Variants in MAP4K5 observed in about 807,000 individuals in gnomAD.
MAP4K5 encodes MAPK/ERK kinase kinase kinase 5.
MAP4K5 carries 82 observed loss-of-function variants against 135.6 expected under a neutral mutation model. That is an observed-to-expected ratio of 0.60 (90% CI 0.51 to 0.73). The LOEUF (loss-of-function observed/expected upper bound fraction) is 0.73. MAP4K5 is among the 30% of genes least tolerant of loss of function. The pLI is 0.00. For missense variants in MAP4K5, 907 were observed against 1,010.9 expected (o/e 0.90, Z 1.39); for synonymous variants, 347 against 335.0 (o/e 1.04, Z -0.39).
intron 6 of MAP4K5, among the ~76,000 whole-genome samples, chr14:50,480,631 C>T (rs562860060): frequency 2.0e-5 from 3 of 152,182 alleles, no homozygotes; most frequent in Middle Eastern, 3.4e-3. Context: ...TGAAAATAAG[C>T]CTCATTTTAT....
intron 3 of MAP4K5, among the ~76,000 whole-genome samples, chr14:50,495,594 AAG>A (rs1467318531): frequency 6.6e-6 from 1 of 152,208 alleles, no homozygotes; most frequent in East Asian, 1.9e-4. Flanking sequence ...TAGGATCTCA[AAG>A]AGAGATTTGT....
intron 2 of MAP4K5, among the ~76,000 whole-genome samples, chr14:50,524,073 C>G (rs981920343): frequency 6.6e-6 from 1 of 152,198 alleles, no homozygotes; most frequent in Non-Finnish European, 1.5e-5. Context: ...CTCAATTCCT[C>G]CCAAATTCTT....
At chr14:50,501,949 G>C (rs909006913) in intron 3 of MAP4K5, among the ~76,000 whole-genome samples, 5 of 152,152 alleles carry the variant, frequency 3.3e-5, no homozygotes, top group Non-Finnish European at 5.9e-5. Flanking sequence ...CGTATATTAG[G>C]TATTCAATAA....
At chr14:50,543,306 A>C (rs1306793426) in intron 1 of MAP4K5, among the ~76,000 whole-genome samples, 1 of 152,264 alleles carries the variant, frequency 6.6e-6, no homozygotes, top group Non-Finnish European at 1.5e-5. Context: ...TTCCCTTGAC[A>C]GATAAGTCAA....
In MAP4K5 at chr14:50,555,968, G is replaced by A. The variant is rs180975683; in HGVS notation, c.-180+5072C>T. On this transcript the variant is annotated intron_variant, in intron 1 of 8. Coordinates refer to the MAP4K5 transcript ENST00000555216. ...CTTTACTTATGATGGAGGAAAATGA[G>A]CATGGTGAAAGAACCAATGGAAGAA... 2.6e-5 allele frequency among the ~76,000 whole-genome samples: 4 copies of A among 152,262 alleles called. No homozygotes were observed. The East Asian group carries it at 7.7e-4, about 29-fold the overall frequency.
intron 2 of MAP4K5, among the ~76,000 whole-genome samples, chr14:50,514,188 G>A (rs896497097): frequency 5.3e-5 from 8 of 151,764 alleles, no homozygotes; most frequent in East Asian, 1.9e-4. Flanking sequence ...AGCAATTCTC[G>A]TGCCTCAGCC....
chr14:50,424,439 G>A (rs1159205213), intron 31 of MAP4K5, among the ~76,000 whole-genome samples: 2 of 152,132 alleles, frequency 1.3e-5, no homozygotes, highest in African/African-American at 2.4e-5. Flanking sequence ...GGCCGGGTGT[G>A]GGGCTCACAT....
intron 23 of MAP4K5, 113 bp from the exon 24 acceptor site, chr14:50,438,207 T>G (rs2036142931): frequency 5.3e-6 from 3 of 563,322 alleles, no homozygotes; most frequent in African/African-American, 1.9e-5. Flanking sequence ...GTTTTTAAAT[T>G]AACAGATAAT....
rs1566657069 is a variant in MAP4K5, at chr14:50,462,793, CAA to C, written c.820-14_820-13del. On this transcript the variant is annotated splice_polypyrimidine_tract_variant and intron_variant, in intron 12 of 32. Transcript: ENST00000682126. ...GCAACAAAAGTGTGCTAAAAGACAA[CAA>C]AATGAAATTTCATGAGTATGCCTTT... 9 of 1,501,684 alleles carry C rather than the reference CAA, an allele frequency of 6.0e-6. No individual in the cohort carries two copies. The highest frequency in any genetic ancestry group is 8.3e-6 in the Non-Finnish European group (9 of 1,080,132). The allele number at this position is 1,501,684 out of a possible 1,614,324, so 93.0% of individuals were successfully genotyped here.
chr14:50,560,194 A>AGTTG, intron 1 of MAP4K5: 1 of 1,591,284 alleles, frequency 6.3e-7, no homozygotes. Flanking sequence ...TCCCACCGCC[A>AGTTG]GCAACCTGCG....
Position 50,532,177 on chromosome 14 carries a change from A to C in MAP4K5, c.-109-19T>G. On this transcript the variant is annotated intron_variant, in intron 1 of 32. Transcript: ENST00000682126. ...GCTCCGTCTGCACGAGGGACGAGCAAAGGCTGGTTGGCGTCGCAGGCTACG... is the reference window on the plus strand; with the variant it reads ...GCTCCGTCTGCACGAGGGACGAGCACAGGCTGGTTGGCGTCGCAGGCTACG... 1.6e-6 allele frequency: 1 copy of C among 639,150 alleles called. No individual in the cohort carries two copies. The highest frequency in any genetic ancestry group is 2.7e-6 in the Non-Finnish European group (1 of 374,446). The allele number at this position is 639,150 out of a possible 1,614,324, so 39.6% of individuals were successfully genotyped here. A position where few individuals can be genotyped will look rare whatever the true frequency, so the allele number is the denominator to read the frequency against.
chr14:50,446,269 C>T, intron 16 of MAP4K5, 148 bp from the exon 17 acceptor site: 1 of 494,270 alleles, frequency 2.0e-6, no homozygotes, highest in Non-Finnish European at 3.6e-6. Flanking sequence ...TTAGGAAGAC[C>T]TAAGACCTCA....
In MAP4K5 at chr14:50,423,123, G is replaced by T. The variant is rs751529744; in HGVS notation, c.2451C>A (p.Asp817Glu). 1.3e-6 allele frequency: 2 copies of T among 1,538,814 alleles called. No homozygotes were observed. Among genetic ancestry groups the T allele is most frequent in the Admixed American group, 1.7e-5 (1 of 57,542 alleles). The change falls in exon 32 of 33, where the codon GAC (aspartate) becomes GAA (glutamate). Residue 817 changes from aspartate to glutamate, a missense_variant and splice_region_variant. Asp to Glu is a conservative substitution (Grantham distance 45, BLOSUM62 2). Coordinates refer to ENST00000682126, the MANE Select transcript of MAP4K5 (RefSeq NM_006575.6). ...AATTAATACAACCAAACTATTACCT[G>T]TCTGATCCTAATAAGCGGAAAACTC... Reference protein sequence around the residue: ...ETRVFRLLGSDRVVVLESRPT... With the variant: ...ETRVFRLLGSERVVVLESRPT...
chr14:50,482,463 T>C (rs765909025), intron 5 of MAP4K5, 47 bp from the exon 6 acceptor site: 4 of 1,300,480 alleles, frequency 3.1e-6, no homozygotes, highest in Middle Eastern at 2.4e-4. Context: ...AACCTAACAT[T>C]AGAAACAGTC....
intron 3 of MAP4K5, among the ~76,000 whole-genome samples, chr14:50,494,455 C>T (rs532702440): frequency 1.3e-3 from 203 of 152,160 alleles, no homozygotes; most frequent in Non-Finnish European, 2.7e-3. Flanking sequence ...CGTGAGCCAC[C>T]GTGCCCAACC....
chr14:50,459,108 T>C (rs950654113), intron 13 of MAP4K5, among the ~76,000 whole-genome samples: 1 of 152,194 alleles, frequency 6.6e-6, no homozygotes, highest in African/African-American at 2.4e-5. Context: ...CCATCATACC[T>C]AGCCTCAAAC....
chr14:50,531,860 C>T (rs2038397218), intron 2 of MAP4K5, 82 bp downstream of exon 2: 3 of 1,010,214 alleles, frequency 3.0e-6, no homozygotes, highest in South Asian at 1.4e-5. Flanking sequence ...ATCCTCCTCT[C>T]GCCCCAATAC....
intron 2 of MAP4K5, among the ~76,000 whole-genome samples, chr14:50,524,912 A>G (rs570989524): frequency 6.6e-6 from 1 of 152,344 alleles, no homozygotes; most frequent in African/African-American, 2.4e-5. Flanking sequence ...AAACAGGAAC[A>G]AGAATGGAGG....
intron 9 of MAP4K5, 44 bp downstream of exon 9, chr14:50,475,033 G>A: frequency 6.7e-7 from 1 of 1,497,946 alleles, no homozygotes; most frequent in Non-Finnish European, 9.3e-7. Flanking sequence ...ACAAAACCAT[G>A]AAGAAATGAA....
Sources: allele counts gnomAD v4.1 joint callset (sites outside exome capture counted in the v4.1 genomes callset), GRCh38; gene constraint gnomAD v4.1.1; transcripts MANE v1.5; gene names NCBI Gene and HGNC (gene_info 2026-07-23, HGNC 2026-07-21).